CCL28: variants seen among roughly 807,000 people sequenced by gnomAD.
CCL28 encodes C-C motif chemokine ligand 28.
A neutral mutation model predicts 7.1 loss-of-function variants in CCL28; 4 were observed. The observed-to-expected ratio is 0.56, with a 90% CI of 0.28 to 1.29. The LOEUF is 1.29. CCL28 is among the 50% of genes most tolerant of loss of function. CCL28 has a pLI of 0.11. For missense variants in CCL28, 151 were observed against 163.4 expected (o/e 0.92, Z 0.41); for synonymous variants, 55 against 57.8 (o/e 0.95, Z 0.22).
At chr5:43,408,300 T>C (rs1294343663) in intron 1 of CCL28, among the ~76,000 whole-genome samples, 4 of 152,154 alleles carry the variant, frequency 2.6e-5, no homozygotes, top group Admixed American at 2.0e-4. Flanking sequence ...CATGGAATAC[T>C]AGGCAGCCAT....
rs557466442 is a variant in CCL28, at chr5:43,380,899, G to T, written c.*961C>A. ...GAAAAATAACAATTATTTGCAATAT[G>T]TATGTCAACCTTGATTGATTACTGG... On this transcript the variant is annotated 3_prime_UTR_variant, in exon 3 of 3. Transcript: ENST00000361115. The T allele has an allele frequency of 6.6e-6, 1 of 151,980 alleles. No individual in the cohort carries two copies. Among genetic ancestry groups the T allele is most frequent in the Admixed American group, 6.6e-5 (1 of 15,236 alleles). 9.4% of individuals were successfully genotyped at this position (151,980 alleles called of 1,614,324 possible). A position where few individuals can be genotyped will look rare whatever the true frequency, so the allele number is the denominator to read the frequency against.
intron 2 of CCL28, chr5:43,384,203 G>A (rs949444247): frequency 6.5e-6 from 1 of 153,468 alleles, no homozygotes; most frequent in African/African-American, 2.4e-5. Context: ...GATTCAGGGA[G>A]GGGCATTGGC....
the CCL28 span, among the ~76,000 whole-genome samples, chr5:43,361,438 T>C: frequency 6.6e-6 from 1 of 152,220 alleles, no homozygotes; most frequent in African/African-American, 2.4e-5. Flanking sequence ...ATTCTGTAGG[T>C]TGTCTATTTA....
intron 1 of CCL28, chr5:43,396,956 G>A (rs1373977811): frequency 6.6e-6 from 1 of 152,216 alleles, no homozygotes; most frequent in African/African-American, 2.4e-5. Context: ...AAGGGGTGGC[G>A]CGGGACGTCG....
At chr5:43,358,658 G>C in the CCL28 span, among the ~76,000 whole-genome samples, 3 of 152,198 alleles carry the variant, frequency 2.0e-5, no homozygotes, top group East Asian at 3.8e-4. Flanking sequence ...CACCAAAACG[G>C]AGGTAATAGT....
chr5:43,407,490 A>G (rs1651484374), intron 1 of CCL28, among the ~76,000 whole-genome samples: 1 of 152,250 alleles, frequency 6.6e-6, no homozygotes, highest in South Asian at 2.1e-4. Flanking sequence ...ACAAAAATTA[A>G]TTCAAGATGG....
rs138885182 is a variant in CCL28 at position 43,382,016 on chromosome 5, C to T, written c.228G>A (p.Pro76=). ...TCCACTGCTTAACAGTATGGTTGTG[C>T]GGGCTGACACAGATTCTTCTGCGCT... The part of the protein sequence containing the change: ...HVKRRRICVS[P]HNHTVKQWMK... The change falls in exon 3 of 3, where the codon CCG becomes CCA. Residue 76 remains proline (P), a synonymous_variant. Coordinates refer to ENST00000361115, the MANE Select transcript of CCL28 (RefSeq NM_148672.3). 7.6e-5 allele frequency: 123 copies of T among 1,612,816 alleles called. 1 individual carries two copies. The African/African-American group carries it at 1.1e-3, about 15-fold the overall frequency.
the CCL28 span, among the ~76,000 whole-genome samples, chr5:43,365,032 G>A: frequency 2.2e-4 from 30 of 138,652 alleles, 1 homozygote; most frequent in Admixed American, 1.1e-3. Flanking sequence ...TTGAGATGGC[G>A]TCTTGGTCTG....
At chr5:43,408,134 A>C (rs1194218896) in intron 1 of CCL28, among the ~76,000 whole-genome samples, 2 of 152,254 alleles carry the variant, frequency 1.3e-5, no homozygotes, top group Non-Finnish European at 2.9e-5. Flanking sequence ...CCATCCCATT[A>C]CTGGGCATTT....
chr5:43,407,326 G>A lies in CCL28; in HGVS notation c.64+4927C>T, dbSNP rs191115340. Among the ~76,000 whole-genome samples, 307 of 152,124 alleles carry A rather than the reference G, an allele frequency of 2.0e-3. 3 individuals carry two copies. The highest frequency in any genetic ancestry group is 7.0e-3 in the African/African-American group (291 of 41,512). ...GCCAATGGAACAGAACAGAGTCCTC[G>A]GAAATAATACCACACATCTACAACC... is the stretch of plus-strand genomic sequence containing the variant. On this transcript the variant is annotated intron_variant, in intron 1 of 2. Transcript: ENST00000361115.
At chr5:43,367,496 A>G in the CCL28 span, among the ~76,000 whole-genome samples, 284 of 152,280 alleles carry the variant, frequency 1.9e-3, 5 homozygotes, top group East Asian at 0.016. Context: ...GGAGTTCCCC[A>G]ACCCCTTGTG....
At chr5:43,406,698 A>G (rs1741296655) in intron 1 of CCL28, among the ~76,000 whole-genome samples, 2 of 152,230 alleles carry the variant, frequency 1.3e-5, no homozygotes, top group South Asian at 2.1e-4. Context: ...AGAGGAAGTC[A>G]AAATGTCCCT....
the CCL28 span, among the ~76,000 whole-genome samples, chr5:43,366,242 G>A: frequency 6.6e-6 from 1 of 152,192 alleles, no homozygotes; most frequent in Non-Finnish European, 1.5e-5. Context: ...AGGAGAAGAG[G>A]CATTTTGGTT....
intron 1 of CCL28, among the ~76,000 whole-genome samples, chr5:43,393,997 G>A (rs1397610001): frequency 6.6e-6 from 1 of 152,194 alleles, no homozygotes; most frequent in East Asian, 1.9e-4. Flanking sequence ...GCTTGTAAAT[G>A]TGTTAATGCT....
intron 1 of CCL28, among the ~76,000 whole-genome samples, chr5:43,405,096 A>C (rs1432100621): frequency 6.6e-6 from 1 of 151,758 alleles, no homozygotes; most frequent in Admixed American, 6.6e-5. Flanking sequence ...AGACAAATCA[A>C]CAAGACAGAA....
chr5:43,378,349 T>A (rs1266026727), downstream of CCL28, among the ~76,000 whole-genome samples: 1 of 151,540 alleles, frequency 6.6e-6, no homozygotes, highest in African/African-American at 2.4e-5. Flanking sequence ...AGACCCTGTC[T>A]CAAAAAAAAG....
downstream of CCL28, among the ~76,000 whole-genome samples, chr5:43,377,886 C>T (rs895479888): frequency 6.7e-6 from 1 of 149,302 alleles, no homozygotes; most frequent in Non-Finnish European, 1.5e-5. Context: ...GCGCCCGCCA[C>T]TACGCCCGGC....
chr5:43,397,264 G>A (rs1200037860), intron 1 of CCL28: 1 of 152,192 alleles, frequency 6.6e-6, no homozygotes, highest in Non-Finnish European at 1.5e-5. Flanking sequence ...CCTACCGCGG[G>A]CTGCCCTTCA....
At chr5:43,411,455 A>G (rs111922488) in intron 1 of CCL28, among the ~76,000 whole-genome samples, 1 of 152,280 alleles carries the variant, frequency 6.6e-6, no homozygotes, top group Non-Finnish European at 1.5e-5. Context: ...CATAATTTGT[A>G]TGGTTCAATC....
Sources: gnomAD v4.1 joint callset for allele counts (sites outside exome capture counted in the v4.1 genomes callset) on GRCh38, gnomAD v4.1.1 for gene constraint, MANE v1.5 for transcripts, NCBI Gene and HGNC (gene_info 2026-07-23, HGNC 2026-07-21) for gene names.